DLGAP1: variants seen among roughly 807,000 people sequenced by gnomAD.
The protein encoded by DLGAP1 is disks large-associated protein 1.
A neutral mutation model predicts 90.8 loss-of-function variants in DLGAP1; 11 were observed. The observed-to-expected ratio is 0.12, with a 90% CI of 0.08 to 0.20. DLGAP1 has a LOEUF of 0.20. Among genes scored for constraint, DLGAP1 ranks in the 10% least tolerant of loss-of-function variants. The probability of loss-of-function intolerance (pLI) is 1.00; values close to 1 mark genes in which losing one functional copy is unlikely to be tolerated. For missense variants in DLGAP1, 1,050 were observed against 1,333.8 expected (o/e 0.79, Z 3.31); for synonymous variants, 558 against 540.7 (o/e 1.03, Z -0.44).
intron 5 of DLGAP1, among the ~76,000 whole-genome samples, chr18:3,781,589 G>A (rs2065195656): frequency 1.3e-5 from 2 of 152,038 alleles, no homozygotes; most frequent in African/African-American, 4.8e-5. Context: ...TCCTGACTTT[G>A]TGATCTGCCC....
At position 3,496,247 on chromosome 18, in the gene DLGAP1, G is replaced by A. The variant is rs2049693812; in HGVS notation, c.*2938C>T. The A allele has an allele frequency of 6.6e-6, 1 of 151,912 alleles. No homozygotes were observed. Among genetic ancestry groups the A allele is most frequent in the African/African-American group, 2.4e-5 (1 of 41,338 alleles). The allele number at this position is 151,912 out of a possible 1,614,324, so 9.4% of individuals were successfully genotyped here. ...AATAATTTTTAAAAATTACATTTGG[G>A]AATTCAGATATGCTAGTGATTTACA... On this transcript the variant is annotated 3_prime_UTR_variant, in exon 13 of 13. Transcript: ENST00000315677.
intron 7 of DLGAP1, among the ~76,000 whole-genome samples, chr18:3,615,970 C>A (rs1028865438): frequency 6.6e-6 from 1 of 152,206 alleles, no homozygotes; most frequent in African/African-American, 2.4e-5. Context: ...TGGGGAATTT[C>A]TGGCACTGCT....
In DLGAP1 at chr18:3,499,024, G is replaced by A. The variant is rs1598938938; in HGVS notation, c.*161C>T. On this transcript the variant is annotated 3_prime_UTR_variant, in exon 13 of 13. Transcript: ENST00000315677. This position sits in a 1 kb window ranked among gnomAD's most constrained non-coding sequence, Gnocchi z 6.4. ...TACGGGAAGTGGGGGGCTGAGGGGGGCCCGGGGGGCGGCTCCTGCGAGGTG... is the reference window on the plus strand; with the variant it reads ...TACGGGAAGTGGGGGGCTGAGGGGGACCCGGGGGGCGGCTCCTGCGAGGTG... The A allele has an allele frequency of 3.2e-6, 2 of 625,894 alleles. No homozygotes were observed. Among genetic ancestry groups the A allele is most frequent in the Admixed American group, 3.3e-5 (1 of 30,728 alleles). The allele number at this position is 625,894 out of a possible 1,614,324, so 38.8% of individuals were successfully genotyped here.
chr18:3,938,504 G>A (rs1236202247), intron 3 of DLGAP1, among the ~76,000 whole-genome samples: 2 of 152,162 alleles, frequency 1.3e-5, no homozygotes, highest in African/African-American at 4.8e-5. Flanking sequence ...GTGCAAGGTC[G>A]CGAGCCTCTG....
chr18:4,376,040 A>C (rs1238312246), intron 1 of DLGAP1, among the ~76,000 whole-genome samples: 1 of 152,200 alleles, frequency 6.6e-6, no homozygotes, highest in African/African-American at 2.4e-5. Context: ...TCTATAGATT[A>C]TACAAGGAGA....
intron 1 of DLGAP1, among the ~76,000 whole-genome samples, chr18:4,255,961 AG>A (rs890835174): frequency 6.6e-6 from 1 of 152,144 alleles, no homozygotes; most frequent in African/African-American, 2.4e-5. Context: ...ACCCTAACCA[AG>A]TTTCTTTTAA....
intron 7 of DLGAP1, among the ~76,000 whole-genome samples, chr18:3,620,719 G>A (rs1865695477): frequency 1.3e-5 from 2 of 151,906 alleles, no homozygotes; most frequent in African/African-American, 2.4e-5. Context: ...TACCACGCCC[G>A]GCTGATTTTT....
chr18:4,301,439 T>C (rs1035172603), intron 1 of DLGAP1, among the ~76,000 whole-genome samples: 3 of 152,238 alleles, frequency 2.0e-5, no homozygotes, highest in South Asian at 2.1e-4. Flanking sequence ...TCCAGTTCTA[T>C]TCATGTTGTC....
chr18:3,673,301 T>C (rs2060165440), intron 7 of DLGAP1, among the ~76,000 whole-genome samples: 1 of 152,208 alleles, frequency 6.6e-6, no homozygotes. Context: ...TTTAACACTT[T>C]GCATATCTCT....
intron 1 of DLGAP1, among the ~76,000 whole-genome samples, chr18:4,313,663 G>C (rs1226022080): frequency 1.3e-5 from 2 of 152,110 alleles, no homozygotes; most frequent in Non-Finnish European, 2.9e-5. Context: ...GATAAAAAAT[G>C]AAAATTCCCC....
At chr18:3,888,104 T>C (rs532737418) in intron 3 of DLGAP1, among the ~76,000 whole-genome samples, 949 of 67,978 alleles carry the variant, frequency 0.014, 10 homozygotes, top group Non-Finnish European at 0.018. Context: ...TGAGACTCCA[T>C]CTCAAAAAAA....
chr18:3,554,272 C>G (rs1368989047), intron 9 of DLGAP1, among the ~76,000 whole-genome samples: 1 of 152,138 alleles, frequency 6.6e-6, no homozygotes, highest in East Asian at 1.9e-4. Context: ...GAGATGTTGC[C>G]AAGATTTGCC....
intron 1 of DLGAP1, among the ~76,000 whole-genome samples, chr18:4,394,611 T>C (rs1046856940): frequency 2.6e-5 from 4 of 152,198 alleles, no homozygotes; most frequent in Admixed American, 2.6e-4. Flanking sequence ...TAATTATTTA[T>C]GAAAACGTAG....
At chr18:3,575,708 C>A (rs2145275170) in intron 8 of DLGAP1, among the ~76,000 whole-genome samples, 1 of 152,156 alleles carries the variant, frequency 6.6e-6, no homozygotes, top group South Asian at 2.1e-4. Flanking sequence ...AAAAATTTAT[C>A]CTAAAGGTGC....
At chr18:3,752,560 T>C (rs1464712403) in intron 5 of DLGAP1, among the ~76,000 whole-genome samples, 1 of 110,552 alleles carries the variant, frequency 9.0e-6, no homozygotes, top group Non-Finnish European at 1.7e-5. Flanking sequence ...CCTTCCTTCC[T>C]TCTCTTTCTC....
At chr18:4,154,480 T>A (rs1490124180) in intron 1 of DLGAP1, among the ~76,000 whole-genome samples, 2 of 152,216 alleles carry the variant, frequency 1.3e-5, no homozygotes, top group Non-Finnish European at 2.9e-5. Flanking sequence ...TGTTACTCTA[T>A]AAGCCAGTCA....
intron 7 of DLGAP1, among the ~76,000 whole-genome samples, chr18:3,709,560 A>C (rs1326224309): frequency 6.6e-6 from 1 of 152,198 alleles, no homozygotes; most frequent in Non-Finnish European, 1.5e-5. Flanking sequence ...AGGCTTTTCA[A>C]CATTTTTTCA....
At chr18:4,419,360 CATA>C (rs1313601365) in intron 1 of DLGAP1, among the ~76,000 whole-genome samples, 1 of 152,028 alleles carries the variant, frequency 6.6e-6, no homozygotes, top group Non-Finnish European at 1.5e-5. Context: ...CAAACCATAT[CATA>C]ATAACAAAGA....
At chr18:3,793,073 T>A (rs999200380) in intron 5 of DLGAP1, among the ~76,000 whole-genome samples, 1 of 152,128 alleles carries the variant, frequency 6.6e-6, no homozygotes, top group South Asian at 2.1e-4. Flanking sequence ...TAATATCCCA[T>A]GGAATACGAC....
Sources: gnomAD v4.1 joint callset for allele counts (sites outside exome capture counted in the v4.1 genomes callset) on GRCh38, gnomAD v4.1.1 for gene constraint, Gnocchi (gnomAD v3.1) non-coding constraint, MANE v1.5 for transcripts, NCBI Gene and HGNC (gene_info 2026-07-23, HGNC 2026-07-21) for gene names.